Variants in NAV2 observed in about 807,000 individuals in gnomAD.
The protein encoded by NAV2 is neuron navigator 2.
NAV2 carries 54 observed loss-of-function variants against 223.2 expected under a neutral mutation model. The ratio of observed to expected loss-of-function variants is 0.24; its 90% confidence interval spans 0.19 to 0.30. The LOEUF is 0.30. Ranked by LOEUF, NAV2 falls within the 10% of genes least tolerant of loss-of-function variation. The pLI is 1.00. For missense variants in NAV2, 2,806 were observed against 3,147.5 expected, an observed-to-expected ratio of 0.89 and a Z score of 2.60; for synonymous variants, 1,279 against 1,239.3, an observed-to-expected ratio of 1.03 and a Z score of -0.67.
intron 11 of NAV2, among the ~76,000 whole-genome samples, chr11:20,014,261 T>A (rs148755433): frequency 1.2e-3 from 180 of 152,350 alleles, no homozygotes; most frequent in African/African-American, 4.1e-3. Context: ...AAGGATGTCC[T>A]TGGAGCTGGA....
chr11:19,842,158 T>C (rs2060546079), intron 2 of NAV2, among the ~76,000 whole-genome samples: 1 of 152,194 alleles, frequency 6.6e-6, no homozygotes, highest in Non-Finnish European at 1.5e-5. Context: ...GACTCCTCCA[T>C]ACTTACGATG....
chr11:19,508,365 A>G (rs1273208599), intron 1 of NAV2, among the ~76,000 whole-genome samples: 2 of 152,164 alleles, frequency 1.3e-5, no homozygotes, highest in Non-Finnish European at 2.9e-5. Flanking sequence ...CCTCTTCCAA[A>G]CTAAAGAAAA....
intron 1 of NAV2, among the ~76,000 whole-genome samples, chr11:19,729,745 A>C (rs2051580207): frequency 6.6e-6 from 1 of 152,204 alleles, no homozygotes. Flanking sequence ...GAGGGGCCAC[A>C]GCTGAATCTC....
Position 20,103,274 on chromosome 11 carries a change from C to T in NAV2, c.6437C>T (p.Ser2146Phe). 1 of 1,613,728 alleles carries T rather than the reference C, an allele frequency of 6.2e-7. No homozygotes were observed. Among genetic ancestry groups the T allele is most frequent in the Non-Finnish European group, 8.5e-7 (1 of 1,179,794 alleles). The stretch of plus-strand genomic sequence containing the variant: ...CCATAGGAATTGCGCCAGTACCTGT[C>T]CAACCTTGCTGACCAGTGCAACAGT... Reference protein sequence around the residue: ...KSSKELRQYLSNLADQCNSEN... With the variant: ...KSSKELRQYLFNLADQCNSEN... The change falls in exon 33 of 38, where the codon TCC (serine) becomes TTC (phenylalanine). Residue 2146 changes from serine to phenylalanine, a missense_variant. Ser to Phe is a radical substitution (Grantham distance 155). Transcript: ENST00000349880.
rs1188544675 is a variant in NAV2 at position 19,932,008 on chromosome 11, C to T, written c.932-1168C>T. On this transcript the variant is annotated intron_variant, in intron 6 of 37. Transcript: ENST00000349880. ...GGGCACTGACTGAAGCAGGGTGCTG[C>T]AGTTTCCATTTCTGTCACATTGGCC... is the stretch of plus-strand genomic sequence containing the variant. Among the ~76,000 whole-genome samples, 18 of 152,120 alleles carry T rather than the reference C, an allele frequency of 1.2e-4. 1 individual carries two copies. Among genetic ancestry groups the T allele is most frequent in the Admixed American group, 1.2e-3 (18 of 15,270 alleles).
intron 6 of NAV2, among the ~76,000 whole-genome samples, chr11:19,921,916 T>C (rs2044308840): frequency 6.6e-6 from 1 of 152,234 alleles, no homozygotes; most frequent in African/African-American, 2.4e-5. Context: ...GTGTTGTTAG[T>C]AATATTGCTA....
rs536428056 is a variant in NAV2 at position 19,903,807 on chromosome 11, A to T, written c.931+11213A>T. On this transcript the variant is annotated intron_variant, in intron 6 of 37. Coordinates refer to ENST00000349880, the MANE Select transcript of NAV2 (RefSeq NM_145117.5). ...TGTGCTTGGGAGGATAATAACTTGC[A>T]GACTGTCTAAATGCTTTCTTCCAGA... Among the ~76,000 whole-genome samples, 182 of 152,306 alleles carry T rather than the reference A, an allele frequency of 1.2e-3. 2 individuals carry two copies. Among genetic ancestry groups the T allele is most frequent in the African/African-American group, 4.3e-3 (178 of 41,582 alleles).
At chr11:19,397,396 A>AGTGTGTGTGTGT (rs1554919830) in intron 1 of NAV2, among the ~76,000 whole-genome samples, 43 of 143,816 alleles carry the variant, frequency 3.0e-4, no homozygotes, top group Admixed American at 5.5e-4. Flanking sequence ...TTCTCTGGGG[A>AGTGTGTGTGTGT]GTGTGTGTGT....
At chr11:19,697,623 C>A (rs990218959) in intron 1 of NAV2, among the ~76,000 whole-genome samples, 6 of 151,814 alleles carry the variant, frequency 4.0e-5, no homozygotes, top group Admixed American at 2.6e-4. Context: ...AAGGATGGGG[C>A]AGGAGGGGTC....
chr11:19,491,530 T>A (rs1426956849), intron 1 of NAV2, among the ~76,000 whole-genome samples: 1 of 152,202 alleles, frequency 6.6e-6, no homozygotes, highest in Non-Finnish European at 1.5e-5. Context: ...CTCTGCAGCT[T>A]CCTCATCTCT....
intron 11 of NAV2, among the ~76,000 whole-genome samples, chr11:19,996,425 G>A (rs2051893808): frequency 6.6e-6 from 1 of 152,226 alleles, no homozygotes; most frequent in Admixed American, 6.5e-5. Context: ...CAAAAAGAAA[G>A]CCCAAGAGTG....
chr11:20,077,853 G>T (rs6483641), intron 23 of NAV2, 140 bp from the exon 24 acceptor site: 641,428 of 742,310 alleles, frequency 0.86, 277,759 homozygotes, highest in East Asian at 0.96. Flanking sequence ...TTATGTGTTT[G>T]TTCATGCCTG....
At position 20,118,168 on chromosome 11, in the gene NAV2, C is replaced by T. The variant is rs936259875; in HGVS notation, c.7200C>T (p.Asn2400=). 2.5e-6 allele frequency: 4 copies of T among 1,614,030 alleles called. No homozygotes were observed. The highest frequency in any genetic ancestry group is 2.2e-5 in the East Asian group (1 of 44,878). ...TGATGAGGCTGCAGGAGGCAGCCAA[C>T]TACTCCAGCCCCCAGAGCTATGACA... The part of the protein sequence containing the change: ...NMLMRLQEAA[N]YSSPQSYDSD... Residue 2400 remains asparagine (N), a synonymous_variant, in exon 38 of 38, where the codon AAC becomes AAT. Transcript: ENST00000349880.
At chr11:19,450,683 G>T (rs1313505438) in intron 1 of NAV2, among the ~76,000 whole-genome samples, 2 of 152,170 alleles carry the variant, frequency 1.3e-5, no homozygotes, top group African/African-American at 2.4e-5. Flanking sequence ...AAATTAACAA[G>T]ATTTCCCTGC....
At position 19,493,036 on chromosome 11, in the gene NAV2, A is replaced by G. The variant is rs1464955400; in HGVS notation, c.75+142009A>G. ...GTTTTCTTATGTACAAAGTAGGCTG[A>G]TAATAATCGTCCAGGTCGATAATGT... On this transcript the variant is annotated intron_variant, in intron 1 of 37. Transcript: ENST00000360655. 2.0e-5 allele frequency among the ~76,000 whole-genome samples: 3 copies of G among 152,292 alleles called. No individual in the cohort carries two copies. In the East Asian group the frequency reaches 5.8e-4, roughly 29 times the overall value.
chr11:20,022,560 T>A (rs1867120), intron 11 of NAV2: 293,377 of 983,972 alleles, frequency 0.3, 45,226 homozygotes, highest in African/African-American at 0.52. Flanking sequence ...TAGGCTAATC[T>A]TTTCAATCGA....
intron 6 of NAV2, among the ~76,000 whole-genome samples, chr11:19,912,877 C>T (rs1290687242): frequency 6.6e-6 from 1 of 152,212 alleles, no homozygotes; most frequent in African/African-American, 2.4e-5. Flanking sequence ...TTACTAAAGG[C>T]AGGATTAAGG....
At chr11:19,745,907 G>T (rs75298584) in intron 1 of NAV2, among the ~76,000 whole-genome samples, 60 of 152,270 alleles carry the variant, frequency 3.9e-4, no homozygotes, top group African/African-American at 1.4e-3. Flanking sequence ...TTCAAGGTCT[G>T]GGGACCCCTG....
intron 1 of NAV2, among the ~76,000 whole-genome samples, chr11:19,650,352 G>T (rs1014486240): frequency 4.6e-5 from 7 of 152,306 alleles, no homozygotes; most frequent in African/African-American, 1.7e-4. Flanking sequence ...GCTGGAACTA[G>T]GGCTGTCAGA....
Sources: gnomAD v4.1 joint callset for allele counts (sites outside exome capture counted in the v4.1 genomes callset) on GRCh38, gnomAD v4.1.1 for gene constraint, MANE v1.5 for transcripts, NCBI Gene and HGNC (gene_info 2026-07-23, HGNC 2026-07-21) for gene names.